Variants in ZNF234 observed in about 807,000 individuals in gnomAD.
ZNF234 encodes the protein C2-H2 type zinc finger protein.
Under a neutral mutation model 10.3 loss-of-function variants are expected in ZNF234, and 4 were observed. The observed-to-expected ratio is 0.39, with a 90% CI of 0.19 to 0.89. The LOEUF (loss-of-function observed/expected upper bound fraction) is 0.89. ZNF234 is among the 40% of genes least tolerant of loss of function. The pLI is 0.38. For missense variants in ZNF234, 711 were observed against 836.1 expected (o/e 0.85, Z 1.85); for synonymous variants, 258 against 280.1 (o/e 0.92, Z 0.79).
intron 2 of ZNF234, among the ~76,000 whole-genome samples, chr19:44,143,945 A>G (rs1968530252): frequency 6.6e-6 from 1 of 152,238 alleles, no homozygotes; most frequent in Admixed American, 6.5e-5. Flanking sequence ...TATTCTATCA[A>G]TATGGACTCA....
rs748108043 is a variant in ZNF234, at chr19:44,157,248, T to C, written c.1232T>C (p.Met411Thr). The C allele has an allele frequency of 1.9e-6, 3 of 1,613,254 alleles. No individual in the cohort carries two copies. The highest frequency in any genetic ancestry group is 2.5e-6 in the Non-Finnish European group (3 of 1,179,774). The stretch of plus-strand genomic sequence containing the variant: ...AATGAGTGTGGGAAGAGCTTCAGAA[T>C]GAAAATTCATTATCAAGTGCATCTG... ...KCNECGKSFR[M>T]KIHYQVHLVV... The change falls in exon 6 of 6, where the codon ATG becomes ACG. Residue 411 changes from methionine (M) to threonine (T), a missense_variant. By Grantham distance (81) the Met-to-Thr change is moderately conservative (BLOSUM62 -1). Coordinates refer to ENST00000426739, the MANE Select transcript of ZNF234 (RefSeq NM_006630.3).
At chr19:44,147,091 G>A (rs1405472254) in intron 3 of ZNF234, among the ~76,000 whole-genome samples, 1 of 151,906 alleles carries the variant, frequency 6.6e-6, no homozygotes, top group African/African-American at 2.4e-5. Flanking sequence ...TGGGATTACA[G>A]GCATGAGCCA....
In ZNF234 at chr19:44,148,013, G is replaced by A. The variant is rs533343355; in HGVS notation, c.16-758G>A. 4.6e-5 allele frequency among the ~76,000 whole-genome samples: 7 copies of A among 152,328 alleles called. No homozygotes were observed. In the South Asian group the frequency reaches 1.5e-3, roughly 32 times the overall value. On this transcript the variant is annotated intron_variant, in intron 3 of 5. Coordinates refer to ENST00000426739, the MANE Select transcript of ZNF234 (RefSeq NM_006630.3). ...CTCGAATAATATACAGTCATGAAATGAGGTGAAATAGATGATGATGGTAAT... is the reference window on the plus strand; with the variant it reads ...CTCGAATAATATACAGTCATGAAATAAGGTGAAATAGATGATGATGGTAAT...
rs1968899624 is a variant in ZNF234, at chr19:44,156,897, G to T, written c.881G>T (p.Gly294Val). Reference sequence around the variant, plus strand: ...AAACCATTCAAATGTGATACATGTGGTAAGAACTTCCGTCGTAGATCAGCA... The same window carrying T: ...AAACCATTCAAATGTGATACATGTGTTAAGAACTTCCGTCGTAGATCAGCA... The part of the protein sequence containing the change: ...GEKPFKCDTC[G>V]KNFRRRSALN... Residue 294 changes from glycine to valine, a missense_variant, in exon 6 of 6, where the codon GGT becomes GTT. By Grantham distance (109) the Gly-to-Val change is moderately radical (BLOSUM62 -3). Coordinates refer to ENST00000426739, the MANE Select transcript of ZNF234 (RefSeq NM_006630.3). 1.2e-6 allele frequency: 2 copies of T among 1,613,742 alleles called. No individual in the cohort carries two copies. The highest frequency in any genetic ancestry group is 1.3e-5 in the African/African-American group (1 of 74,914).
chr19:44,156,341 A>G lies in ZNF234; in HGVS notation c.325A>G (p.Ser109Gly), dbSNP rs776257596. ...GGGGCAAATCTGGAAACAGATTGCA[A>G]GTGATTTAATCAAGTATGAAGACTC... is the stretch of plus-strand genomic sequence containing the variant. ...YWGQIWKQIA[S>G]DLIKYEDSMI... is the part of the protein sequence containing the mutation. Residue 109 changes from serine to glycine, a missense_variant, in exon 6 of 6, where the codon AGT (serine) becomes GGT (glycine). By Grantham distance (56) the Ser-to-Gly change is moderately conservative (BLOSUM62 0). Coordinates refer to ENST00000426739, the MANE Select transcript of ZNF234 (RefSeq NM_006630.3). 1.2e-6 allele frequency: 2 copies of G among 1,610,482 alleles called. No homozygotes were observed. Among genetic ancestry groups the G allele is most frequent in the Admixed American group, 3.4e-5 (2 of 59,186 alleles).
At chr19:44,148,308 C>T (rs1968652676) in intron 3 of ZNF234, among the ~76,000 whole-genome samples, 1 of 152,176 alleles carries the variant, frequency 6.6e-6, no homozygotes, top group Non-Finnish European at 1.5e-5. Flanking sequence ...AGGAAAACTA[C>T]ATAGCAGTTT....
rs774388725 is a variant in ZNF234 at position 44,156,300 on chromosome 19, A to C, written c.284A>C (p.His95Pro). 16 of 1,592,132 alleles carry C rather than the reference A, an allele frequency of 1.0e-5. No individual in the cohort carries two copies. Among genetic ancestry groups the C allele is most frequent in the Non-Finnish European group, 1.1e-5 (13 of 1,170,992 alleles). ...GAGACTGTTCCAGAAGCAGGACGAC[A>C]TGAAGAGCTTTACTGGGGGCAAATC... is the stretch of plus-strand genomic sequence containing the variant. The part of the protein sequence containing the change: ...EVETVPEAGR[H>P]EELYWGQIWK... Residue 95 changes from histidine to proline, a missense_variant, in exon 6 of 6, where the codon CAT becomes CCT. Physicochemically the swap from His to Pro is moderately conservative, Grantham distance 77 (BLOSUM62 -2). Coordinates refer to ENST00000426739, the MANE Select transcript of ZNF234 (RefSeq NM_006630.3).
chr19:44,145,028 A>G (rs1968556600), intron 3 of ZNF234, among the ~76,000 whole-genome samples: 1 of 152,192 alleles, frequency 6.6e-6, no homozygotes, highest in Non-Finnish European at 1.5e-5. Flanking sequence ...AAGGGACTTG[A>G]GCATCCACAA....
At chr19:44,144,910 T>C (rs1968553793) in intron 3 of ZNF234, among the ~76,000 whole-genome samples, 1 of 152,228 alleles carries the variant, frequency 6.6e-6, no homozygotes, top group Non-Finnish European at 1.5e-5. Context: ...GAAACCTGAG[T>C]CTATGTAAAG....
rs1337976412 is a variant in ZNF234, at chr19:44,159,694, T to A, written c.*1575T>A. The A allele has an allele frequency of 4.7e-6, 2 of 429,364 alleles. No individual in the cohort carries two copies. The highest frequency in any genetic ancestry group is 9.8e-6 in the Non-Finnish European group (2 of 203,498). The allele number at this position is 429,364 out of a possible 1,614,324, so 26.6% of individuals were successfully genotyped here. A position where few individuals can be genotyped will look rare whatever the true frequency, so the allele number is the denominator to read the frequency against. ...TGATTTCTGACTTTCCACATTTCCA[T>A]CCAGACTTTGACATGATTGCCGTCT... On this transcript the variant is annotated 3_prime_UTR_variant, in exon 6 of 6. Transcript: ENST00000426739.
At chr19:44,144,466 T>C (rs1015484559) in intron 2 of ZNF234, 91 bp from the exon 3 acceptor site, 1 of 475,002 alleles carries the variant, frequency 2.1e-6, no homozygotes, top group Non-Finnish European at 3.6e-6. Context: ...AATGCCACCG[T>C]GACCATTCGT....
rs117422108 is a variant in ZNF234 at position 44,158,533 on chromosome 19, C to T, written c.*414C>T. On this transcript the variant is annotated 3_prime_UTR_variant, in exon 6 of 6. Coordinates refer to ENST00000426739, the MANE Select transcript of ZNF234 (RefSeq NM_006630.3). ...TGCTGGGATTACAGGCATGAGCCACCGCCCCTGGCCTCCATCTAGACTTTG... is the reference window on the plus strand; with the variant it reads ...TGCTGGGATTACAGGCATGAGCCACTGCCCCTGGCCTCCATCTAGACTTTG... 4.2e-3 allele frequency: 965 copies of T among 229,126 alleles called. 5 individuals carry two copies. The highest frequency in any genetic ancestry group is 0.011 in the Admixed American group (201 of 18,992). The allele number at this position is 229,126 out of a possible 1,614,324, so 14.2% of individuals were successfully genotyped here.
chr19:44,154,755 C>G (rs1461599042), intron 5 of ZNF234, among the ~76,000 whole-genome samples: 3 of 151,662 alleles, frequency 2.0e-5, no homozygotes, highest in Non-Finnish European at 4.4e-5. Context: ...TCTCAGCCTC[C>G]CAAATAGTGT....
At chr19:44,152,163 C>G (rs1293280090) in intron 5 of ZNF234, among the ~76,000 whole-genome samples, 2 of 152,164 alleles carry the variant, frequency 1.3e-5, no homozygotes, top group Admixed American at 1.3e-4. Context: ...ATCCTTTACT[C>G]TCTGCCCTAC....
Position 44,145,969 on chromosome 19 carries a change from A to G in ZNF234, c.15+1322A>G, listed in dbSNP as rs537298813. Among the ~76,000 whole-genome samples, 4 of 152,334 alleles carry G rather than the reference A, an allele frequency of 2.6e-5. No homozygotes were observed. The South Asian group carries it at 8.3e-4, about 32-fold the overall frequency. ...TTACTGTATTTATTCAGAACAGCAG[A>G]ATGAGGAGGTTTGTGGTCTCTTCTT... On this transcript the variant is annotated intron_variant, in intron 3 of 5. Transcript: ENST00000426739.
At chr19:44,148,575 CT>C in intron 3 of ZNF234, 195 bp from the exon 4 acceptor site, 2 of 728,084 alleles carry the variant, frequency 2.7e-6, no homozygotes, top group Non-Finnish European at 4.9e-6. Flanking sequence ...GCTATTGTTA[CT>C]GATGTACTTT....
rs1568552119 is a variant in ZNF234, at chr19:44,153,164, TC to T, written c.235+2660del. 4.1e-3 allele frequency among the ~76,000 whole-genome samples: 223 copies of T among 54,808 alleles called. 1 individual carries two copies. The highest frequency in any genetic ancestry group is 0.036 in the African/African-American group (211 of 5,908). The allele number at this position is 54,808 out of a possible 152,430, so 36.0% of individuals were successfully genotyped here. A position where few individuals can be genotyped will look rare whatever the true frequency, so the allele number is the denominator to read the frequency against. On this transcript the variant is annotated intron_variant, in intron 5 of 5. Coordinates refer to ENST00000426739, the MANE Select transcript of ZNF234 (RefSeq NM_006630.3). ...TTTGTTAAATCTAATCATGTATTCA[TC>T]ATATATATATATATATATATATATA...
intron 2 of ZNF234, 150 bp downstream of exon 2, chr19:44,142,517 C>T (rs1845815451): frequency 6.6e-6 from 1 of 152,216 alleles, no homozygotes; most frequent in African/African-American, 2.4e-5. Flanking sequence ...CGCAACGTGA[C>T]TCTGTGGAGA....
intron 4 of ZNF234, among the ~76,000 whole-genome samples, chr19:44,149,488 A>T (rs1449486247): frequency 1.3e-5 from 2 of 152,176 alleles, no homozygotes; most frequent in South Asian, 4.1e-4. Context: ...TTAGTAATGC[A>T]CCAAGATGTA....
Sources: allele counts gnomAD v4.1 joint callset (sites outside exome capture counted in the v4.1 genomes callset), GRCh38; gene constraint gnomAD v4.1.1; transcripts MANE v1.5; gene names NCBI Gene and HGNC (gene_info 2026-07-23, HGNC 2026-07-21).